Variants in ANKFN1 observed in about 807,000 individuals in gnomAD.
ANKFN1 encodes ankyrin repeat and fibronectin type III domain containing 1, also known as ankyrin repeat and fibronectin type-III domain-containing protein 1.
In ANKFN1, 74 loss-of-function variants were observed where a neutral mutation model predicts 108.7. The observed-to-expected ratio is 0.68, with a 90% confidence interval of 0.56 to 0.83. The LOEUF (loss-of-function observed/expected upper bound fraction) is 0.83. Ranked by LOEUF, ANKFN1 falls within the 40% of genes least tolerant of loss-of-function variation. The probability of loss-of-function intolerance (pLI) is 0.00; values close to 1 mark genes in which losing one functional copy is unlikely to be tolerated. For missense variants in ANKFN1, 1,505 were observed against 1,382.3 expected, an observed-to-expected ratio of 1.09 and a Z score of -1.41; for synonymous variants, 547 against 516.2, an observed-to-expected ratio of 1.06 and a Z score of -0.81.
chr17:56,313,976 A>C (rs949267061), intron 3 of ANKFN1, among the ~76,000 whole-genome samples: 1 of 152,188 alleles, frequency 6.6e-6, no homozygotes, highest in African/African-American at 2.4e-5. Flanking sequence ...GATTTCTGTC[A>C]CTATTGATCA....
rs200776343 is a variant in ANKFN1 at position 56,350,827 on chromosome 17, C to T, written c.250C>T (p.His84Tyr). The change falls in exon 5 of 21, where the codon CAT becomes TAT. Residue 84 changes from histidine (H) to tyrosine (Y), a missense_variant. Transcript: ENST00000682825. ...QNLHLCQSKK[H>Y]SAPSSPNAAK... is the part of the protein sequence containing the mutation. ...TTTACATCTCTGTCAGTCAAAAAAACATAGTGCTCCCTCATCTCCCAACGC... is the reference window on the plus strand; with the variant it reads ...TTTACATCTCTGTCAGTCAAAAAAATATAGTGCTCCCTCATCTCCCAACGC... The T allele has an allele frequency of 3.9e-4, 628 of 1,613,676 alleles. 1 individual carries two copies. The highest frequency in any genetic ancestry group is 5.2e-4 in the Non-Finnish European group (608 of 1,179,870).
intron 1 of ANKFN1, among the ~76,000 whole-genome samples, chr17:56,184,448 C>T (rs1181684959): frequency 6.6e-6 from 1 of 152,150 alleles, no homozygotes; most frequent in Non-Finnish European, 1.5e-5. Context: ...TAATAGACCA[C>T]AGTATATTGT....
intron 11 of ANKFN1, among the ~76,000 whole-genome samples, chr17:56,451,455 A>T (rs574586406): frequency 6.6e-6 from 1 of 152,236 alleles, no homozygotes; most frequent in South Asian, 2.1e-4. Context: ...AATTTTTTTT[A>T]TTATTATTAC....
intron 4 of ANKFN1, among the ~76,000 whole-genome samples, chr17:56,082,252 C>T (rs1905254842): frequency 6.6e-6 from 1 of 151,096 alleles, no homozygotes; most frequent in African/African-American, 2.4e-5. Flanking sequence ...CCTGATACAA[C>T]CAAGTTTTTG....
chr17:56,489,792 G>A (rs921895512), intron 18 of ANKFN1, among the ~76,000 whole-genome samples: 14 of 151,998 alleles, frequency 9.2e-5, no homozygotes, highest in African/African-American at 3.4e-4. Context: ...TCACTTTCCA[G>A]CCAAGAGAGG....
intron 3 of ANKFN1, among the ~76,000 whole-genome samples, chr17:56,289,174 C>T (rs1287366465): frequency 2.0e-5 from 3 of 152,130 alleles, no homozygotes; most frequent in East Asian, 3.9e-4. Flanking sequence ...CTGATATTTG[C>T]CATTAATGAG....
chr17:56,108,714 A>T (rs1233502426), intron 4 of ANKFN1, among the ~76,000 whole-genome samples: 2 of 152,244 alleles, frequency 1.3e-5, no homozygotes, highest in Non-Finnish European at 2.9e-5. Flanking sequence ...GAGTAACAGG[A>T]TATCTCCAAA....
intron 2 of ANKFN1, among the ~76,000 whole-genome samples, chr17:56,227,221 C>T (rs543045288): frequency 3.5e-4 from 54 of 152,116 alleles, no homozygotes; most frequent in African/African-American, 1.1e-3. Context: ...ACAATAGGTC[C>T]AATAAATTAT....
intron 2 of ANKFN1, among the ~76,000 whole-genome samples, chr17:56,223,120 G>C (rs62073004): frequency 5.9e-5 from 9 of 152,156 alleles, no homozygotes; most frequent in African/African-American, 1.9e-4. Flanking sequence ...TATCTAGCAT[G>C]AGCTTGTTTT....
At chr17:56,403,674 T>C (rs576316397) in intron 8 of ANKFN1, among the ~76,000 whole-genome samples, 81 of 152,310 alleles carry the variant, frequency 5.3e-4, no homozygotes, top group African/African-American at 1.9e-3. Flanking sequence ...TATGGGGTAC[T>C]GTTGCATTCA....
chr17:56,256,973 T>C (rs1270825430), intron 3 of ANKFN1, among the ~76,000 whole-genome samples: 1 of 152,214 alleles, frequency 6.6e-6, no homozygotes, highest in African/African-American at 2.4e-5. Context: ...AACAGCAACA[T>C]CACAGGCTTT....
intron 8 of ANKFN1, among the ~76,000 whole-genome samples, chr17:56,399,331 G>A (rs550904802): frequency 2.0e-5 from 3 of 151,734 alleles, no homozygotes; most frequent in Non-Finnish European, 2.9e-5. Context: ...GTTTAATATC[G>A]AGAAAAAAAC....
chr17:56,173,279 C>CA (rs1448173736), intron 1 of ANKFN1, among the ~76,000 whole-genome samples: 4 of 152,202 alleles, frequency 2.6e-5, no homozygotes, highest in African/African-American at 9.6e-5. Flanking sequence ...CTCCTGCCTT[C>CA]ACCCTTTGCC....
At chr17:56,313,149 A>G (rs992200057) in intron 3 of ANKFN1, among the ~76,000 whole-genome samples, 1 of 127,688 alleles carries the variant, frequency 7.8e-6, no homozygotes, top group Non-Finnish European at 1.7e-5. Context: ...CGAGAATCCA[A>G]CTCAAAAAAA....
At chr17:56,400,857 C>T (rs1199283341) in intron 8 of ANKFN1, among the ~76,000 whole-genome samples, 1 of 152,000 alleles carries the variant, frequency 6.6e-6, no homozygotes, top group Non-Finnish European at 1.5e-5. Context: ...CCTTTCCCCA[C>T]TGTAAGTTTT....
intron 15 of ANKFN1, among the ~76,000 whole-genome samples, chr17:56,467,783 G>GAAAGAAAGAAAGAAAGAGAA (rs2050145430): frequency 8.7e-5 from 2 of 22,866 alleles, no homozygotes; most frequent in African/African-American, 1.6e-4. Flanking sequence ...AAGAAAGAAA[G>GAAAGAAAGAAAGAAAGAGAA]AAAGAAAGAA....
intron 3 of ANKFN1, among the ~76,000 whole-genome samples, chr17:56,229,687 A>G (rs1039730529): frequency 7.2e-6 from 1 of 138,368 alleles, no homozygotes; most frequent in Non-Finnish European, 1.6e-5. Flanking sequence ...AAAAAAAAAA[A>G]AGGGGGGTTG....
At chr17:56,191,168 A>C (rs1451535984) in intron 1 of ANKFN1, among the ~76,000 whole-genome samples, 1 of 16,992 alleles carries the variant, frequency 5.9e-5, no homozygotes, top group South Asian at 2.6e-3. Context: ...TCTTTATCCA[A>C]CTTGCCAGTC....
chr17:56,322,015 T>C (rs551386532), intron 3 of ANKFN1, among the ~76,000 whole-genome samples: 3 of 152,336 alleles, frequency 2.0e-5, no homozygotes, highest in African/African-American at 7.2e-5. Context: ...GCAGCTCATC[T>C]GTCACAGCCT....
Sources: gnomAD v4.1 joint callset for allele counts (sites outside exome capture counted in the v4.1 genomes callset) on GRCh38, gnomAD v4.1.1 for gene constraint, MANE v1.5 for transcripts, NCBI Gene and HGNC (gene_info 2026-07-23, HGNC 2026-07-21) for gene names.